Variants in PRKN observed in about 807,000 individuals in gnomAD.
The protein encoded by PRKN is parkin RBR E3 ubiquitin protein ligase, also known as E3 ubiquitin-protein ligase parkin.
Under a neutral mutation model 59.5 loss-of-function variants are expected in PRKN, and 56 were observed. The ratio of observed to expected loss-of-function variants is 0.94; its 90% CI spans 0.76 to 1.18. The LOEUF is 1.18. Ranked by LOEUF, PRKN falls within the 50% of genes most tolerant of loss-of-function variation. PRKN has a pLI of 0.00. For missense variants in PRKN, 657 were observed against 596.4 expected (o/e 1.10, Z -1.06); for synonymous variants, 250 against 222.1 (o/e 1.13, Z -1.12).
At chr6:162,395,093 T>C (rs1047067026) in intron 2 of PRKN, among the ~76,000 whole-genome samples, 1 of 152,142 alleles carries the variant, frequency 6.6e-6, no homozygotes, top group Non-Finnish European at 1.5e-5. Context: ...ACTTTATTAA[T>C]ATAAAAAGAG....
In PRKN at chr6:161,554,046, T is replaced by TCCTC. The variant is rs1309682477; in HGVS notation, c.934-5047_934-5044dup. 6.6e-6 allele frequency among the ~76,000 whole-genome samples: 1 copy of TCCTC among 152,206 alleles called. No homozygotes were observed. The highest frequency in any genetic ancestry group is 2.4e-5 in the African/African-American group (1 of 41,440). ...TCCTAAGTTAGTCATTGTTTCTAAG[T>TCCTC]CCTCTCAGTTCTCACTTTGAAGGAC... On this transcript the variant is annotated intron_variant, in intron 8 of 11. Coordinates refer to ENST00000366898, the MANE Select transcript of PRKN (RefSeq NM_004562.3). The surrounding 1 kb of genome is among the most constrained non-coding windows in gnomAD (Gnocchi z 4.5).
At chr6:162,696,780 G>A (rs920275889) in intron 1 of PRKN, among the ~76,000 whole-genome samples, 2 of 151,682 alleles carry the variant, frequency 1.3e-5, no homozygotes, top group African/African-American at 4.8e-5. Flanking sequence ...TCTTGGGCTC[G>A]AGGGATCCAT....
chr6:162,060,476 A>G (rs1332214014), intron 4 of PRKN, among the ~76,000 whole-genome samples: 1 of 152,202 alleles, frequency 6.6e-6, no homozygotes, highest in Non-Finnish European at 1.5e-5. Context: ...CAGAAAAATG[A>G]CCCCACAGAG....
At chr6:161,792,459 G>C (rs1025466711) in intron 6 of PRKN, among the ~76,000 whole-genome samples, 3 of 152,216 alleles carry the variant, frequency 2.0e-5, no homozygotes, top group African/African-American at 7.2e-5. Flanking sequence ...GTTATCAAGA[G>C]TGGCTGGTTT....
In PRKN at chr6:161,356,329, G is replaced by A. The variant is rs997181943; in HGVS notation, c.1285+3759C>T. Reference sequence around the variant, plus strand: ...GAAGAGGTCAGCTGGGGTAAGATCTGAAGGACAGGAAGGAGCCAGCCATGG... The same window carrying A: ...GAAGAGGTCAGCTGGGGTAAGATCTAAAGGACAGGAAGGAGCCAGCCATGG... On this transcript the variant is annotated intron_variant, in intron 11 of 11. Coordinates refer to ENST00000366898, the MANE Select transcript of PRKN (RefSeq NM_004562.3). The surrounding 1 kb of genome is among the most constrained non-coding windows in gnomAD (Gnocchi z 7.8). Among the ~76,000 whole-genome samples the A allele has an allele frequency of 6.6e-6, 1 of 152,178 alleles. No homozygotes were observed. Among genetic ancestry groups the A allele is most frequent in the Non-Finnish European group, 1.5e-5 (1 of 68,034 alleles).
At chr6:162,376,577 C>T (rs1786099099) in intron 2 of PRKN, among the ~76,000 whole-genome samples, 1 of 151,168 alleles carries the variant, frequency 6.6e-6, no homozygotes, top group African/African-American at 2.4e-5. Context: ...ATACCTGGGG[C>T]CAGGGGCCTC....
intron 3 of PRKN, among the ~76,000 whole-genome samples, chr6:162,236,929 GAAAGA>G (rs754526693): frequency 4.8e-4 from 73 of 151,766 alleles, no homozygotes; most frequent in African/African-American, 1.4e-3. Flanking sequence ...AGAGAAAGAA[GAAAGA>G]AAAGAAAAGA....
chr6:161,497,824 C>T lies in PRKN; in HGVS notation c.1083+51030G>A, dbSNP rs1384818804. On this transcript the variant is annotated intron_variant, in intron 9 of 11. Coordinates refer to ENST00000366898, the MANE Select transcript of PRKN (RefSeq NM_004562.3). The surrounding 1 kb of genome is among the most constrained non-coding windows in gnomAD (Gnocchi z 4.6). ...GGATCAGTAGCTGTAGCTGCTTCAG[C>T]CTTTGTTGAGGCTAACTCTCCTCCC... Among the ~76,000 whole-genome samples the T allele has an allele frequency of 2.0e-5, 3 of 152,150 alleles. No individual in the cohort carries two copies. Among genetic ancestry groups the T allele is most frequent in the African/African-American group, 7.2e-5 (3 of 41,442 alleles).
chr6:162,374,146 C>T (rs1785915592), intron 2 of PRKN, among the ~76,000 whole-genome samples: 2 of 152,176 alleles, frequency 1.3e-5, no homozygotes. Context: ...TTTAACAATT[C>T]TCTCTTTATG....
chr6:161,714,631 T>C (rs1786896508), intron 7 of PRKN, among the ~76,000 whole-genome samples: 1 of 152,214 alleles, frequency 6.6e-6, no homozygotes, highest in Non-Finnish European at 1.5e-5. Flanking sequence ...GTACTCCATG[T>C]AAAACACTTT....
intron 4 of PRKN, among the ~76,000 whole-genome samples, chr6:162,162,671 C>T (rs971518667): frequency 3.3e-5 from 5 of 152,050 alleles, no homozygotes; most frequent in Admixed American, 6.5e-5. Flanking sequence ...ACAAAACAAG[C>T]AAGAATGCAA....
At chr6:161,948,857 G>T (rs536666505) in intron 6 of PRKN, among the ~76,000 whole-genome samples, 51 of 152,338 alleles carry the variant, frequency 3.3e-4, no homozygotes, top group African/African-American at 1.2e-3. Context: ...CTGGCAGTCA[G>T]TGTGCATTTA....
chr6:162,501,439 C>T (rs1420376032), intron 1 of PRKN, among the ~76,000 whole-genome samples: 1 of 151,148 alleles, frequency 6.6e-6, no homozygotes, highest in African/African-American at 2.4e-5. Context: ...CCTCCACCTC[C>T]CTGGTTCAAG....
chr6:161,904,163 G>A (rs919488908), intron 6 of PRKN, among the ~76,000 whole-genome samples: 6 of 151,918 alleles, frequency 3.9e-5, no homozygotes, highest in Non-Finnish European at 7.4e-5. Context: ...TTTTTATTTG[G>A]ATTAATTAAA....
At chr6:161,665,337 T>TGTA (rs1784689361) in intron 7 of PRKN, among the ~76,000 whole-genome samples, 1 of 152,226 alleles carries the variant, frequency 6.6e-6, no homozygotes, top group Admixed American at 6.5e-5. Context: ...GAGAGTTACA[T>TGTA]GTATCCACCA....
chr6:161,625,240 AG>A (rs1783042892), intron 7 of PRKN, among the ~76,000 whole-genome samples: 1 of 152,246 alleles, frequency 6.6e-6, no homozygotes. Context: ...GCCATAAAAA[AG>A]GATGAGTTCA....
chr6:162,507,835 G>A (rs2128189592), intron 1 of PRKN, among the ~76,000 whole-genome samples: 1 of 152,284 alleles, frequency 6.6e-6, no homozygotes, highest in Non-Finnish European at 1.5e-5. Flanking sequence ...CCGACATGCT[G>A]TAGGGGCTCA....
At chr6:161,783,730 TC>T in intron 7 of PRKN, 1 of 483,692 alleles carries the variant, frequency 2.1e-6, no homozygotes. Context: ...AGTTTTCCAA[TC>T]TGTAAATAAT....
At chr6:162,432,622 C>T (rs553620990) in intron 2 of PRKN, among the ~76,000 whole-genome samples, 4 of 152,282 alleles carry the variant, frequency 2.6e-5, no homozygotes, top group African/African-American at 9.6e-5. Flanking sequence ...TAAAGCCACA[C>T]AACTGGATTT....
Sources: gnomAD v4.1 joint callset for allele counts (sites outside exome capture counted in the v4.1 genomes callset) on GRCh38, gnomAD v4.1.1 for gene constraint, Gnocchi (gnomAD v3.1) non-coding constraint, MANE v1.5 for transcripts, NCBI Gene and HGNC (gene_info 2026-07-23, HGNC 2026-07-21) for gene names.